Variants in KCNQ3 observed in about 807,000 individuals in gnomAD.
KCNQ3 encodes the protein potassium voltage-gated channel subfamily Q member 3.
KCNQ3 carries 30 observed loss-of-function variants against 92.5 expected under a neutral mutation model. The observed-to-expected ratio is 0.32, with a 90% CI of 0.24 to 0.44. The LOEUF is 0.44. Among genes scored for constraint, KCNQ3 ranks in the 20% least tolerant of loss-of-function variants. KCNQ3 has a pLI of 1.00. For missense variants in KCNQ3, 913 were observed against 1,140.3 expected (o/e 0.80, Z 2.87); for synonymous variants, 450 against 468.8 (o/e 0.96, Z 0.52).
rs1824749002 is a variant in KCNQ3, at chr8:132,128,642, C to T, written c.*620G>A. 1 of 154,364 alleles carries T rather than the reference C, an allele frequency of 6.5e-6. No homozygotes were observed. Among genetic ancestry groups the T allele is most frequent in the Non-Finnish European group, 1.4e-5 (1 of 69,594 alleles). 9.6% of individuals were successfully genotyped at this position (154,364 alleles called of 1,614,324 possible). ...GAAACTGAGGCATGATACTAAGTAA[C>T]ATCAGGCCAAGTGAGGTCTTTTGGA... On this transcript the variant is annotated 3_prime_UTR_variant, in exon 15 of 15. Transcript: ENST00000388996.
intron 1 of KCNQ3, among the ~76,000 whole-genome samples, chr8:132,227,060 CT>C (rs923601765): frequency 0.026 from 2,130 of 82,526 alleles, 37 homozygotes; most frequent in African/African-American, 0.091. Flanking sequence ...ATATCTCACT[CT>C]TTTTTTTTTT....
At chr8:132,447,523 T>G (rs1004911836) in intron 1 of KCNQ3, among the ~76,000 whole-genome samples, 3 of 150,948 alleles carry the variant, frequency 2.0e-5, no homozygotes, top group African/African-American at 7.3e-5. Context: ...TAATGGAGAT[T>G]AAAGAAAAAG....
intron 1 of KCNQ3, among the ~76,000 whole-genome samples, chr8:132,465,424 T>C (rs1822149493): frequency 7.5e-6 from 1 of 133,820 alleles, no homozygotes; most frequent in Admixed American, 7.5e-5. Flanking sequence ...AAAAAACAAT[T>C]TTAAAAAAAT....
rs1159375948 is a variant in KCNQ3 at position 132,126,159 on chromosome 8, T to C, written c.*3103A>G. On this transcript the variant is annotated 3_prime_UTR_variant, in exon 15 of 15. Coordinates refer to ENST00000388996, the MANE Select transcript of KCNQ3 (RefSeq NM_004519.4). ...ATCACTCCTAGTTTGATGATGGAATTAATTTGTCAATATTTCATGGAGTTC... is the reference window on the plus strand; with the variant it reads ...ATCACTCCTAGTTTGATGATGGAATCAATTTGTCAATATTTCATGGAGTTC... The C allele has an allele frequency of 6.6e-6, 1 of 152,238 alleles. No individual in the cohort carries two copies. 9.4% of individuals were successfully genotyped at this position (152,238 alleles called of 1,614,324 possible). A position where few individuals can be genotyped will look rare whatever the true frequency, so the allele number is the denominator to read the frequency against.
chr8:132,186,975 A>AGG (rs1826988973), intron 1 of KCNQ3, among the ~76,000 whole-genome samples: 2 of 149,128 alleles, frequency 1.3e-5, no homozygotes, highest in Admixed American at 6.7e-5. Flanking sequence ...AGAGAGAGAG[A>AGG]GAGAGAGAGA....
intron 1 of KCNQ3, among the ~76,000 whole-genome samples, chr8:132,427,706 C>A (rs1279562016): frequency 1.3e-5 from 2 of 152,126 alleles, no homozygotes; most frequent in African/African-American, 4.8e-5. Context: ...TCCAGAATTA[C>A]CTGGTGAGGT....
At chr8:132,350,615 G>T (rs542270408) in intron 1 of KCNQ3, among the ~76,000 whole-genome samples, 2 of 152,248 alleles carry the variant, frequency 1.3e-5, no homozygotes, top group Non-Finnish European at 2.9e-5. Context: ...ACCTCAGAGT[G>T]CACCACAGAG....
intron 1 of KCNQ3, among the ~76,000 whole-genome samples, chr8:132,366,665 C>A (rs1238925505): frequency 6.6e-6 from 1 of 152,120 alleles, no homozygotes; most frequent in East Asian, 1.9e-4. Context: ...CTAAGAAAAT[C>A]TTCAAGAAAT....
chr8:132,391,581 C>T (rs563585689), intron 1 of KCNQ3, among the ~76,000 whole-genome samples: 11 of 152,256 alleles, frequency 7.2e-5, no homozygotes, highest in African/African-American at 2.2e-4. Flanking sequence ...CACCAAACTA[C>T]TCTGCAAGGA....
intron 1 of KCNQ3, among the ~76,000 whole-genome samples, chr8:132,339,286 T>C (rs979870846): frequency 1.3e-5 from 2 of 152,210 alleles, no homozygotes; most frequent in African/African-American, 2.4e-5. Context: ...TTTAACTTCT[T>C]CTGTTCATTA....
At chr8:132,320,521 C>A (rs985312293) in intron 1 of KCNQ3, among the ~76,000 whole-genome samples, 1 of 152,128 alleles carries the variant, frequency 6.6e-6, no homozygotes, top group Non-Finnish European at 1.5e-5. Flanking sequence ...TCAGCCAGAG[C>A]CACTTCCAAT....
intron 1 of KCNQ3, among the ~76,000 whole-genome samples, chr8:132,187,878 G>C (rs1026944722): frequency 3.7e-5 from 5 of 134,696 alleles, no homozygotes; most frequent in East Asian, 2.1e-4. Flanking sequence ...TGGTGATAGT[G>C]ATGGTGGCGG....
intron 9 of KCNQ3, among the ~76,000 whole-genome samples, chr8:132,153,324 T>A (rs2130023489): frequency 6.6e-6 from 1 of 152,224 alleles, no homozygotes; most frequent in East Asian, 1.9e-4. Flanking sequence ...TCCAAAGAGA[T>A]CCTTTTCTCT....
chr8:132,220,078 G>A (rs544767048), intron 1 of KCNQ3, among the ~76,000 whole-genome samples: 33 of 151,884 alleles, frequency 2.2e-4, no homozygotes, highest in African/African-American at 5.6e-4. Context: ...TTTCATCTAC[G>A]TCTTCCCTAA....
intron 1 of KCNQ3, among the ~76,000 whole-genome samples, chr8:132,209,015 C>A (rs375328324): frequency 1.2e-3 from 178 of 152,230 alleles, no homozygotes; most frequent in African/African-American, 4.1e-3. Flanking sequence ...TAGTATGGCT[C>A]AGCACAGGCC....
At position 132,432,072 on chromosome 8, in the gene KCNQ3, T is replaced by C. The variant is rs530190166; in HGVS notation, c.386+48075A>G. Among the ~76,000 whole-genome samples, 8 of 152,360 alleles carry C rather than the reference T, an allele frequency of 5.3e-5. No homozygotes were observed. The East Asian group carries it at 1.4e-3, about 26-fold the overall frequency. On this transcript the variant is annotated intron_variant, in intron 1 of 14. Transcript: ENST00000388996. Reference sequence around the variant, plus strand: ...GAACCACAGGTACAACACTTTCTGATTTCATTTAACTGAATTTGATGCTTG... The same window carrying C: ...GAACCACAGGTACAACACTTTCTGACTTCATTTAACTGAATTTGATGCTTG...
chr8:132,417,145 G>A (rs1587001060), intron 1 of KCNQ3, among the ~76,000 whole-genome samples: 1 of 152,184 alleles, frequency 6.6e-6, no homozygotes, highest in African/African-American at 2.4e-5. Flanking sequence ...CATTGAAAGT[G>A]GGCAACATCC....
intron 1 of KCNQ3, among the ~76,000 whole-genome samples, chr8:132,459,855 T>C (rs1185363828): frequency 6.6e-6 from 1 of 152,104 alleles, no homozygotes; most frequent in Non-Finnish European, 1.5e-5. Flanking sequence ...GGAATTATTC[T>C]TACAGGAGAT....
intron 1 of KCNQ3, among the ~76,000 whole-genome samples, chr8:132,394,073 G>C (rs140743444): frequency 6.6e-6 from 1 of 152,166 alleles, no homozygotes; most frequent in Non-Finnish European, 1.5e-5. Context: ...CCAACCACGT[G>C]CCAGGCACCA....
Sources: allele counts gnomAD v4.1 joint callset (sites outside exome capture counted in the v4.1 genomes callset), GRCh38; gene constraint gnomAD v4.1.1; transcripts MANE v1.5; gene names NCBI Gene and HGNC (gene_info 2026-07-23, HGNC 2026-07-21).